Variants in RETREG1 observed in about 807,000 individuals in gnomAD.
RETREG1 encodes family with sequence similarity 134 member B.
Under a neutral mutation model 54.8 loss-of-function variants are expected in RETREG1, and 44 were observed. The observed-to-expected ratio is 0.80, with a 90% CI of 0.63 to 1.03. The LOEUF is 1.03. Ranked by LOEUF, RETREG1 falls within the 50% of genes least tolerant of loss-of-function variation. The pLI, the probability that RETREG1 is intolerant of heterozygous loss-of-function variation, is 0.00. For synonymous variants in RETREG1, 217 were observed against 238.5 expected (o/e 0.91, Z 0.83); for missense variants, 554 against 605.1 (o/e 0.92, Z 0.89).
chr5:16,527,047 T>G (rs1480292560), intron 3 of RETREG1, among the ~76,000 whole-genome samples: 1 of 152,266 alleles, frequency 6.6e-6, no homozygotes, highest in Non-Finnish European at 1.5e-5. Flanking sequence ...AGGCCTTTGT[T>G]GCGCCTGCAT....
At chr5:16,508,909 G>A (rs1008775430) in intron 3 of RETREG1, 7 of 1,240,766 alleles carry the variant, frequency 5.6e-6, no homozygotes, top group Non-Finnish European at 5.1e-6. Flanking sequence ...TGTGACAGGC[G>A]GCTGGAAGTG....
At chr5:16,527,629 A>G (rs1300567383) in intron 3 of RETREG1, among the ~76,000 whole-genome samples, 1 of 152,086 alleles carries the variant, frequency 6.6e-6, no homozygotes, top group East Asian at 1.9e-4. Context: ...TTTATTACAC[A>G]TCTCATAATT....
chr5:16,509,014 C>CG (rs772741753), intron 3 of RETREG1: 11 of 1,003,854 alleles, frequency 1.1e-5, no homozygotes, highest in Non-Finnish European at 1.3e-5. Flanking sequence ...CACCTAGGCC[C>CG]GCCTGCCCTT....
At chr5:16,522,293 T>G (rs1336047153) in intron 3 of RETREG1, among the ~76,000 whole-genome samples, 3 of 152,194 alleles carry the variant, frequency 2.0e-5, no homozygotes, top group African/African-American at 7.2e-5. Context: ...AGTAATCTAA[T>G]GGGCTTTCAT....
At position 16,533,459 on chromosome 5, in the gene RETREG1, A is replaced by G. The variant is rs73045914; in HGVS notation, c.458+32304T>C. 2.8e-3 allele frequency among the ~76,000 whole-genome samples: 434 copies of G among 152,310 alleles called. 5 individuals carry two copies. Among genetic ancestry groups the G allele is most frequent in the African/African-American group, 1.0e-2 (414 of 41,564 alleles). ...CCAGGAGAAATGCCATATTTTAAGT[A>G]GGAAGGAAATATGTCCAAAGGCAGA... On this transcript the variant is annotated intron_variant, in intron 3 of 8. Coordinates refer to ENST00000306320, the MANE Select transcript of RETREG1 (RefSeq NM_001034850.3).
intron 3 of RETREG1, among the ~76,000 whole-genome samples, 173 bp downstream of exon 3, chr5:16,565,590 T>C (rs1741982540): frequency 6.6e-6 from 1 of 152,128 alleles, no homozygotes; most frequent in East Asian, 1.9e-4. Context: ...GAGTCCCAAC[T>C]TCATCCTTGG....
intron 3 of RETREG1, among the ~76,000 whole-genome samples, chr5:16,542,627 A>T (rs1331604530): frequency 6.6e-6 from 1 of 152,236 alleles, no homozygotes; most frequent in African/African-American, 2.4e-5. Context: ...TCTATAAGGC[A>T]TCTTCAAAGA....
intron 3 of RETREG1, among the ~76,000 whole-genome samples, chr5:16,517,642 G>A (rs1740402431): frequency 6.6e-6 from 1 of 152,070 alleles, no homozygotes; most frequent in Non-Finnish European, 1.5e-5. Context: ...CTGCGTTACT[G>A]TCTTAGTTCA....
rs1351623590 is a variant in RETREG1, at chr5:16,490,974, C to T, written c.459-7502G>A. The stretch of plus-strand genomic sequence containing the variant: ...ATTCTTATTTTCTCTCTGAACCCCT[C>T]CAGCTGTTCCTAAATTAGTACCCAC... On this transcript the variant is annotated intron_variant, in intron 3 of 8. Transcript: ENST00000306320. Among the ~76,000 whole-genome samples the T allele has an allele frequency of 2.0e-5, 3 of 152,206 alleles. No homozygotes were observed. In the South Asian group the frequency reaches 6.2e-4, roughly 32 times the overall value.
intron 3 of RETREG1, among the ~76,000 whole-genome samples, chr5:16,533,295 G>A (rs887652161): frequency 6.6e-6 from 1 of 152,000 alleles, no homozygotes; most frequent in Non-Finnish European, 1.5e-5. Flanking sequence ...CACCCGCCTC[G>A]GCCTCCCAAA....
At chr5:16,599,191 A>G (rs1442534026) in intron 1 of RETREG1, among the ~76,000 whole-genome samples, 2 of 152,222 alleles carry the variant, frequency 1.3e-5, no homozygotes, top group African/African-American at 4.8e-5. Flanking sequence ...TGGGCAACAG[A>G]GCAGCACCCT....
intron 3 of RETREG1, among the ~76,000 whole-genome samples, chr5:16,526,421 T>C (rs1446148081): frequency 2.0e-5 from 3 of 152,206 alleles, no homozygotes. Flanking sequence ...GGAATGAGGC[T>C]TTGAGACCCT....
intron 3 of RETREG1, among the ~76,000 whole-genome samples, chr5:16,541,358 C>T (rs926388454): frequency 4.6e-5 from 7 of 152,162 alleles, no homozygotes; most frequent in Non-Finnish European, 7.3e-5. Context: ...TTCACTAAAA[C>T]GAACTGCCTC....
At chr5:16,490,040 G>T (rs1196460883) in intron 3 of RETREG1, among the ~76,000 whole-genome samples, 1 of 152,174 alleles carries the variant, frequency 6.6e-6, no homozygotes, top group East Asian at 1.9e-4. Context: ...CTTTAGATTT[G>T]AGGAGATAAT....
intron 1 of RETREG1, among the ~76,000 whole-genome samples, chr5:16,595,401 C>G (rs1448987459): frequency 1.3e-5 from 2 of 152,064 alleles, no homozygotes; most frequent in Non-Finnish European, 2.9e-5. Context: ...AAAAAAGTCA[C>G]TGAGTTGTGT....
At chr5:16,518,941 C>T (rs1421317193) in intron 3 of RETREG1, among the ~76,000 whole-genome samples, 1 of 152,124 alleles carries the variant, frequency 6.6e-6, no homozygotes, top group Non-Finnish European at 1.5e-5. Context: ...ATGTATTATG[C>T]ACTTTGCCAA....
intron 3 of RETREG1, among the ~76,000 whole-genome samples, chr5:16,563,639 T>A (rs987242355): frequency 6.6e-6 from 1 of 152,180 alleles, no homozygotes; most frequent in South Asian, 2.1e-4. Flanking sequence ...CTATCCTTTA[T>A]CATATTATTA....
At chr5:16,475,272 A>G (rs1330219368) in intron 8 of RETREG1, 38 bp from the exon 9 acceptor site, 9 of 1,603,060 alleles carry the variant, frequency 5.6e-6, no homozygotes, top group Non-Finnish European at 7.6e-6. Flanking sequence ...CTGAAGCACC[A>G]TAACAAATTT....
At chr5:16,510,374 G>C (rs886732277) in intron 3 of RETREG1, among the ~76,000 whole-genome samples, 7 of 152,112 alleles carry the variant, frequency 4.6e-5, no homozygotes, top group African/African-American at 1.4e-4. Context: ...TGAAGGTCGG[G>C]GTGTGCGAGA....
Sources: allele counts gnomAD v4.1 joint callset (sites outside exome capture counted in the v4.1 genomes callset), GRCh38; gene constraint gnomAD v4.1.1; transcripts MANE v1.5; gene names NCBI Gene and HGNC (gene_info 2026-07-23, HGNC 2026-07-21).